Variants in XXYLT1 observed in about 807,000 individuals in gnomAD.
XXYLT1 encodes the protein xyloside xylosyltransferase 1.
XXYLT1 carries 20 observed loss-of-function variants against 28.9 expected under a neutral mutation model. That is an observed-to-expected ratio of 0.69 (90% CI 0.49 to 1.00). The LOEUF (loss-of-function observed/expected upper bound fraction) is 1.00. Among genes scored for constraint, XXYLT1 ranks in the 50% least tolerant of loss-of-function variants. The pLI is 0.00. For synonymous variants in XXYLT1, 257 were observed against 253.8 expected (o/e 1.01, Z -0.12); for missense variants, 542 against 560.1 (o/e 0.97, Z 0.33).
At chr3:195,159,037 G>A (rs963236083) in intron 2 of XXYLT1, among the ~76,000 whole-genome samples, 3 of 152,216 alleles carry the variant, frequency 2.0e-5, no homozygotes, top group African/African-American at 7.2e-5. Flanking sequence ...TTGGAGGATA[G>A]CTGAAATGAT....
chr3:195,143,811 TATAG>T lies in XXYLT1; in HGVS notation c.785+12634_785+12637del, dbSNP rs1388779812. Among the ~76,000 whole-genome samples the T allele has an allele frequency of 2.3e-3, 214 of 94,870 alleles. 2 individuals carry two copies. Among genetic ancestry groups the T allele is most frequent in the African/African-American group, 8.0e-3 (198 of 24,704 alleles). The allele number at this position is 94,870 out of a possible 152,430, so 62.2% of individuals were successfully genotyped here. A position where few individuals can be genotyped will look rare whatever the true frequency, so the allele number is the denominator to read the frequency against. Reference sequence around the variant, plus strand: ...ATATATATATATATAGATAGATATATATAGATATAGATATATATAGATATAGATA... The same window carrying T: ...ATATATATATATATAGATAGATATATATATAGATATATATAGATATAGATA... On this transcript the variant is annotated intron_variant, in intron 3 of 3. Transcript: ENST00000310380.
At chr3:195,189,863 C>A (rs1722346418) in intron 2 of XXYLT1, among the ~76,000 whole-genome samples, 1 of 151,988 alleles carries the variant, frequency 6.6e-6, no homozygotes, top group Admixed American at 6.6e-5. Flanking sequence ...TCAACAGACC[C>A]CAAGTAGGAT....
intron 2 of XXYLT1, among the ~76,000 whole-genome samples, chr3:195,216,030 G>A (rs1157487394): frequency 1.7e-3 from 253 of 151,220 alleles, no homozygotes; most frequent in African/African-American, 4.9e-3. Flanking sequence ...ACTCAAAACC[G>A]CTCAACTACA....
At position 195,270,721 on chromosome 3, in the gene XXYLT1, G is replaced by A. The variant is rs765767673; in HGVS notation, c.338C>T (p.Ala113Val). 2 of 1,590,078 alleles carry A rather than the reference G, an allele frequency of 1.3e-6. No individual in the cohort carries two copies. Among genetic ancestry groups the A allele is most frequent in the African/African-American group, 1.4e-5 (1 of 72,170 alleles). Residue 113 changes from alanine (A) to valine (V), a missense_variant, in exon 1 of 4, where the codon GCG becomes GTG. Ala to Val is a moderately conservative substitution (Grantham distance 64). Transcript: ENST00000310380. The stretch of plus-strand genomic sequence containing the variant: ...CGCGACGCGGGCCTTGGCCTGCAGC[G>A]CGGCATTGTGCTCCGCCTTGGTGAA... ...MMFTKAEHNA[A>V]LQAKARVALR...
chr3:195,072,635 T>C (rs1170261562), intron 3 of XXYLT1, among the ~76,000 whole-genome samples: 1 of 152,118 alleles, frequency 6.6e-6, no homozygotes, highest in Non-Finnish European at 1.5e-5. Context: ...GGCATCAGCC[T>C]GAGAAGGAAA....
At chr3:195,148,055 T>C (rs889012899) in intron 3 of XXYLT1, 1 of 152,232 alleles carries the variant, frequency 6.6e-6, no homozygotes, top group African/African-American at 2.4e-5. Context: ...CGCCCGAGTC[T>C]TGGGACGTCA....
At chr3:195,099,117 C>T (rs1716620663) in intron 3 of XXYLT1, among the ~76,000 whole-genome samples, 1 of 152,144 alleles carries the variant, frequency 6.6e-6, no homozygotes, top group South Asian at 2.1e-4. Flanking sequence ...GAACCGAGGA[C>T]ATGGCAGACA....
At chr3:195,084,103 T>G (rs565852709) in intron 3 of XXYLT1, among the ~76,000 whole-genome samples, 2 of 152,300 alleles carry the variant, frequency 1.3e-5, no homozygotes, top group Admixed American at 1.3e-4. Flanking sequence ...GCTCATCTCC[T>G]GTGCTTTCAC....
At chr3:195,250,424 C>T (rs547053288) in intron 1 of XXYLT1, among the ~76,000 whole-genome samples, 3 of 152,206 alleles carry the variant, frequency 2.0e-5, no homozygotes, top group African/African-American at 2.4e-5. Context: ...ATTAGCTGGG[C>T]GTGGTGGCAC....
chr3:195,260,723 T>C (rs1216690356), intron 1 of XXYLT1, among the ~76,000 whole-genome samples: 2 of 152,206 alleles, frequency 1.3e-5, no homozygotes, highest in Non-Finnish European at 2.9e-5. Flanking sequence ...TGGCTGCTTC[T>C]AAAGGCAGCT....
At chr3:195,112,892 C>G (rs1055776880) in intron 3 of XXYLT1, among the ~76,000 whole-genome samples, 2 of 151,572 alleles carry the variant, frequency 1.3e-5, no homozygotes, top group African/African-American at 4.9e-5. Context: ...CGCACATACA[C>G]GCAGCCCCCA....
At chr3:195,230,103 T>C (rs775025013) in intron 1 of XXYLT1, among the ~76,000 whole-genome samples, 7 of 152,236 alleles carry the variant, frequency 4.6e-5, no homozygotes, top group Non-Finnish European at 8.8e-5. Context: ...TATCTCATTG[T>C]AGGTTTGATT....
rs535598294 is a variant in XXYLT1, at chr3:195,210,816, A to G, written c.652+15893T>C. ...TATACCCTTTGTTCAGTATTTGTTC[A>G]GATGTTTTCACTCAGGCAAGTTCCT... On this transcript the variant is annotated intron_variant, in intron 2 of 3. Transcript: ENST00000310380. This position sits in a 1 kb window ranked among gnomAD's most constrained non-coding sequence, Gnocchi z 4.8. Among the ~76,000 whole-genome samples the G allele has an allele frequency of 1.1e-4, 16 of 152,338 alleles. No individual in the cohort carries two copies. The highest frequency in any genetic ancestry group is 3.4e-4 in the African/African-American group (14 of 41,576).
chr3:195,161,470 A>C (rs940652332), intron 2 of XXYLT1, among the ~76,000 whole-genome samples: 2 of 152,068 alleles, frequency 1.3e-5, no homozygotes, highest in Admixed American at 6.6e-5. Flanking sequence ...CAGAACCCCC[A>C]ACCATGACCA....
At position 195,243,209 on chromosome 3, in the gene XXYLT1, G is replaced by A. The variant is rs553965304; in HGVS notation, c.505-16353C>T. Among the ~76,000 whole-genome samples the A allele has an allele frequency of 9.2e-5, 14 of 152,044 alleles. No individual in the cohort carries two copies. In the South Asian group the frequency reaches 2.5e-3, roughly 27 times the overall value. On this transcript the variant is annotated intron_variant, in intron 1 of 3. Transcript: ENST00000310380. Reference sequence around the variant, plus strand: ...GGAACATCACACACCAGGGCCTGTCGTGGGGTGGGGGGAAGGGGGAAGGAT... The same window carrying A: ...GGAACATCACACACCAGGGCCTGTCATGGGGTGGGGGGAAGGGGGAAGGAT...
At position 195,180,550 on chromosome 3, in the gene XXYLT1, C is replaced by A; in HGVS notation, c.653-23969G>T. 4.1e-6 allele frequency: 4 copies of A among 985,388 alleles called. No homozygotes were observed. The highest frequency in any genetic ancestry group is 4.8e-6 in the Non-Finnish European group (4 of 829,966). The allele number at this position is 985,388 out of a possible 1,614,324, so 61.0% of individuals were successfully genotyped here. On this transcript the variant is annotated intron_variant, in intron 2 of 3. Transcript: ENST00000310380. The surrounding 1 kb of genome is among the most constrained non-coding windows in gnomAD (Gnocchi z 5.8). Reference sequence around the variant, plus strand: ...AAGCAAACAAACAGATAAGGGTCAGCATCTGAGGCCAGACCCTAAGGCCCT... The same window carrying A: ...AAGCAAACAAACAGATAAGGGTCAGAATCTGAGGCCAGACCCTAAGGCCCT...
At chr3:195,254,146 T>C (rs1315025899) in intron 1 of XXYLT1, among the ~76,000 whole-genome samples, 1 of 152,210 alleles carries the variant, frequency 6.6e-6, no homozygotes, top group Non-Finnish European at 1.5e-5. Context: ...TTGGAGACTC[T>C]GGCCACAGAC....
At position 195,076,813 on chromosome 3, in the gene XXYLT1, G is replaced by C. The variant is rs909394857; in HGVS notation, c.786-6702C>G. ...GTTCTCCCTGCGTGCACGTGCCTCT[G>C]TGTCCACATTGCCCCTTTCTATCAA... On this transcript the variant is annotated intron_variant, in intron 3 of 3. Transcript: ENST00000310380. This position sits in a 1 kb window ranked among gnomAD's most constrained non-coding sequence, Gnocchi z 5.3. 6.6e-6 allele frequency among the ~76,000 whole-genome samples: 1 copy of C among 152,144 alleles called. No individual in the cohort carries two copies. The highest frequency in any genetic ancestry group is 1.5e-5 in the Non-Finnish European group (1 of 68,042).
At chr3:195,132,528 C>A (rs1718955300) in intron 3 of XXYLT1, among the ~76,000 whole-genome samples, 1 of 152,104 alleles carries the variant, frequency 6.6e-6, no homozygotes, top group Non-Finnish European at 1.5e-5. Context: ...GACACACATT[C>A]ATTAAGCAGC....
Sources: gnomAD v4.1 joint callset for allele counts (sites outside exome capture counted in the v4.1 genomes callset) on GRCh38, gnomAD v4.1.1 for gene constraint, Gnocchi (gnomAD v3.1) non-coding constraint, MANE v1.5 for transcripts, NCBI Gene and HGNC (gene_info 2026-07-23, HGNC 2026-07-21) for gene names.